The following FAM193B variants were observed in gnomAD, a reference collection of about 807,000 sequenced individuals.
FAM193B encodes the protein family with sequence similarity 193 member B.
In FAM193B, 27 loss-of-function variants were observed where a neutral mutation model predicts 70.7. The observed-to-expected ratio is 0.38, with a 90% CI of 0.28 to 0.53. The LOEUF (loss-of-function observed/expected upper bound fraction) is 0.53, where lower values mean the gene tolerates loss of function less well. Ranked by LOEUF, FAM193B falls within the 20% of genes least tolerant of loss-of-function variation. The pLI, the probability that FAM193B is intolerant of heterozygous loss-of-function variation, is 0.81. For synonymous variants in FAM193B, 448 were observed against 436.0 expected (o/e 1.03, Z -0.34); for missense variants, 1,022 against 1,072.5 (o/e 0.95, Z 0.66).
rs1764389138 is a variant in FAM193B at position 177,538,049 on chromosome 5, G to A, written c.512C>T (p.Ser171Phe). ...SQSCGDDSHS[S>F]SSSSSSSSSS... ...TGAGGATGATGAGGAGGAAGACGAGGACGAATGAGAGTCATCTCCACAAGA... is the reference window on the plus strand; with the variant it reads ...TGAGGATGATGAGGAGGAAGACGAGAACGAATGAGAGTCATCTCCACAAGA... Residue 171 changes from serine (S) to phenylalanine (F), a missense_variant, in exon 3 of 9, where the codon TCC (serine) becomes TTC (phenylalanine). Transcript: ENST00000514747. This position sits in a 1 kb window ranked among gnomAD's most constrained non-coding sequence, Gnocchi z 4.1. 1 of 1,552,866 alleles carries A rather than the reference G, an allele frequency of 6.4e-7. No individual in the cohort carries two copies. The highest frequency in any genetic ancestry group is 1.2e-5 in the South Asian group (1 of 84,086).
intron 1 of FAM193B, among the ~76,000 whole-genome samples, chr5:177,551,603 G>A (rs1188768152): frequency 6.6e-6 from 1 of 152,200 alleles, no homozygotes; most frequent in Non-Finnish European, 1.5e-5. Flanking sequence ...TTAAAAAAGA[G>A]CCCCAAATCC....
At chr5:177,553,677 A>T in intron 1 of FAM193B, 1 of 1,286,244 alleles carries the variant, frequency 7.8e-7, no homozygotes, top group South Asian at 1.2e-5. Context: ...CTGGGTTTCC[A>T]CCTCAGTGCA....
chr5:177,527,763 T>G (rs890063617), intron 5 of FAM193B, among the ~76,000 whole-genome samples: 1 of 152,214 alleles, frequency 6.6e-6, no homozygotes, highest in Non-Finnish European at 1.5e-5. Flanking sequence ...CAGGTCACTA[T>G]GATGCACTCC....
At chr5:177,552,439 A>C (rs989842613) in intron 1 of FAM193B, among the ~76,000 whole-genome samples, 2 of 152,216 alleles carry the variant, frequency 1.3e-5, no homozygotes, top group Non-Finnish European at 2.9e-5. Flanking sequence ...AAATTGATGA[A>C]GCTTAGAGCT....
chr5:177,553,834 G>A (rs996212190), intron 1 of FAM193B: 3 of 1,282,772 alleles, frequency 2.3e-6, no homozygotes, highest in African/African-American at 1.5e-5. Context: ...CGTTCCCGGG[G>A]GCAGAGGGAA....
intron 1 of FAM193B, chr5:177,553,662 T>A (rs939128610): frequency 4.7e-6 from 6 of 1,281,938 alleles, no homozygotes; most frequent in Non-Finnish European, 6.1e-6. Context: ...GAAGGGCAGG[T>A]TCTGCTGGGT....
At chr5:177,553,884 T>G in intron 1 of FAM193B, 1 of 1,238,682 alleles carries the variant, frequency 8.1e-7, no homozygotes, top group South Asian at 1.4e-5. Flanking sequence ...CGAGATGGCC[T>G]GTGGCTGAGG....
intron 1 of FAM193B, chr5:177,553,087 G>T: frequency 1.3e-6 from 1 of 741,822 alleles, no homozygotes; most frequent in Non-Finnish European, 1.6e-6. Flanking sequence ...AGGGCTGTGG[G>T]CACAGAGAGG....
intron 8 of FAM193B, 38 bp downstream of exon 8, chr5:177,521,936 G>A (rs758706693): frequency 6.5e-7 from 1 of 1,531,660 alleles, no homozygotes; most frequent in South Asian, 1.1e-5. Flanking sequence ...GCCAAGCACA[G>A]GGAGAGGCAG....
chr5:177,523,947 C>T lies in FAM193B; in HGVS notation c.2372+10G>A. ...CTCCACAAGTGGGAGAGCAGGCAGC[C>T]CACACCTACCTCTTAAAGTACTCCA... is the stretch of plus-strand genomic sequence containing the variant. On this transcript the variant is annotated intron_variant, in intron 7 of 8. Transcript: ENST00000514747. The T allele has an allele frequency of 6.2e-7, 1 of 1,613,598 alleles. No homozygotes were observed. Among genetic ancestry groups the T allele is most frequent in the South Asian group, 1.1e-5 (1 of 91,072 alleles).
intron 1 of FAM193B, among the ~76,000 whole-genome samples, chr5:177,552,961 C>G (rs1354957759): frequency 1.3e-5 from 2 of 152,180 alleles, no homozygotes; most frequent in Non-Finnish European, 2.9e-5. Context: ...CGTGGAAGAT[C>G]AGAGAAAGAT....
chr5:177,523,931 T>C (rs1290100806), intron 7 of FAM193B, 26 bp downstream of exon 7: 1 of 1,612,070 alleles, frequency 6.2e-7, no homozygotes, highest in Admixed American at 1.7e-5. Flanking sequence ...CCTCCACAAG[T>C]GGGAGAGCAG....
At chr5:177,529,560 G>A (rs1763142486) in intron 5 of FAM193B, among the ~76,000 whole-genome samples, 1 of 152,150 alleles carries the variant, frequency 6.6e-6, no homozygotes, top group South Asian at 2.1e-4. Context: ...GGATGAGTGA[G>A]CAGAGCCTCC....
At chr5:177,548,794 G>A (rs1765797282) in intron 1 of FAM193B, among the ~76,000 whole-genome samples, 1 of 152,128 alleles carries the variant, frequency 6.6e-6, no homozygotes, top group Admixed American at 6.6e-5. Flanking sequence ...ATGTATTGAA[G>A]CACATCACGT....
chr5:177,533,854 G>A (rs1036996092), intron 4 of FAM193B, among the ~76,000 whole-genome samples: 17 of 152,310 alleles, frequency 1.1e-4, no homozygotes, highest in African/African-American at 4.1e-4. Flanking sequence ...TCAAGCCCAC[G>A]TTTCTCTCTA....
rs561241636 is a variant in FAM193B, at chr5:177,527,796, G to A, written c.1276-2591C>T. Among the ~76,000 whole-genome samples the A allele has an allele frequency of 5.1e-4, 78 of 152,176 alleles. 1 individual carries two copies. Among genetic ancestry groups the A allele is most frequent in the Non-Finnish European group, 8.8e-4 (60 of 68,018 alleles). On this transcript the variant is annotated intron_variant, in intron 5 of 8. Coordinates refer to ENST00000514747, the MANE Select transcript of FAM193B (RefSeq NM_001190946.3). ...TCCCCAGGCGGGCGCCCAGTGCTCC[G>A]GCTCAGGCAACAGGGTGGGAGGCGG...
chr5:177,523,681 A>C (rs1422615081), intron 7 of FAM193B, among the ~76,000 whole-genome samples: 1 of 152,264 alleles, frequency 6.6e-6, no homozygotes, highest in Non-Finnish European at 1.5e-5. Context: ...AAGTGAAGAC[A>C]CAAAGCAAAT....
intron 5 of FAM193B, chr5:177,531,603 T>C (rs1051926205): frequency 6.3e-5 from 70 of 1,105,680 alleles, no homozygotes; most frequent in Non-Finnish European, 7.9e-5. Flanking sequence ...ACCAAGTATG[T>C]GATGAGAAGC....
At chr5:177,551,759 T>C (rs1357493569) in intron 1 of FAM193B, among the ~76,000 whole-genome samples, 6 of 152,232 alleles carry the variant, frequency 3.9e-5, no homozygotes, top group Non-Finnish European at 7.3e-5. Flanking sequence ...CAGTTTGGTA[T>C]ATGACACTGA....
Sources: allele counts gnomAD v4.1 joint callset (sites outside exome capture counted in the v4.1 genomes callset), GRCh38; gene constraint gnomAD v4.1.1; non-coding constraint Gnocchi (gnomAD v3.1); transcripts MANE v1.5; gene names NCBI Gene and HGNC (gene_info 2026-07-23, HGNC 2026-07-21).